The following AGTR1 variants were observed in gnomAD, a reference collection of about 807,000 sequenced individuals.
The protein encoded by AGTR1 is angiotensin II receptor type 1, also known as type-1 angiotensin II receptor.
In AGTR1, 16 loss-of-function variants were observed where a neutral mutation model predicts 19.4. The ratio of observed to expected loss-of-function variants is 0.82; its 90% CI spans 0.56 to 1.25. The LOEUF (loss-of-function observed/expected upper bound fraction) is 1.25, where lower values mean the gene tolerates loss of function less well. Ranked by LOEUF, AGTR1 falls within the 50% of genes most tolerant of loss-of-function variation. The pLI is 0.00. For synonymous variants in AGTR1, 153 were observed against 154.9 expected, an observed-to-expected ratio of 0.99 and a Z score of 0.09; for missense variants, 373 against 431.9, an observed-to-expected ratio of 0.86 and a Z score of 1.21.
intron 2 of AGTR1, among the ~76,000 whole-genome samples, chr3:148,720,159 C>A (rs1018303355): frequency 6.6e-6 from 1 of 151,950 alleles, no homozygotes; most frequent in Non-Finnish European, 1.5e-5. Flanking sequence ...ATCTGATTAG[C>A]CATATTGGGA....
At chr3:148,709,454 T>C (rs899173678) in intron 2 of AGTR1, among the ~76,000 whole-genome samples, 2 of 152,188 alleles carry the variant, frequency 1.3e-5, no homozygotes, top group African/African-American at 4.8e-5. Context: ...ATAACTATGA[T>C]GTTTTGCTTA....
Position 148,716,216 on chromosome 3 carries a change from T to A in AGTR1, c.-48+8189T>A, listed in dbSNP as rs551127305. On this transcript the variant is annotated intron_variant, in intron 2 of 2. Transcript: ENST00000349243. This position sits in a 1 kb window ranked among gnomAD's most constrained non-coding sequence, Gnocchi z 4.7. ...AGCTCCTCAGCTATACTCCCTTTCCTAGTCTACCCTATCCCACAACGGAAC... is the reference window on the plus strand; with the variant it reads ...AGCTCCTCAGCTATACTCCCTTTCCAAGTCTACCCTATCCCACAACGGAAC... Among the ~76,000 whole-genome samples the A allele has an allele frequency of 6.6e-6, 1 of 152,296 alleles. No homozygotes were observed. Among genetic ancestry groups the A allele is most frequent in the Admixed American group, 6.5e-5 (1 of 15,284 alleles).
Position 148,741,041 on chromosome 3 carries a change from T to C in AGTR1, c.6T>C (p.Ile2=), listed in dbSNP as rs746929368. Reference sequence around the variant, plus strand: ...ATTCGACCCAGGTGATCAAAATGATTCTCAACTCTTCTACTGAAGATGGTA... The same window carrying C: ...ATTCGACCCAGGTGATCAAAATGATCCTCAACTCTTCTACTGAAGATGGTA... M[I]LNSSTEDGIK... The change falls in exon 3 of 3, where the codon ATT becomes ATC. Residue 2 remains isoleucine, a synonymous_variant. Transcript: ENST00000349243. 6.2e-7 allele frequency: 1 copy of C among 1,613,854 alleles called. No individual in the cohort carries two copies. Among genetic ancestry groups the C allele is most frequent in the Non-Finnish European group, 8.5e-7 (1 of 1,179,850 alleles).
chr3:148,704,667 T>A (rs867021119), intron 1 of AGTR1, among the ~76,000 whole-genome samples: 1 of 152,194 alleles, frequency 6.6e-6, no homozygotes, highest in Non-Finnish European at 1.5e-5. Flanking sequence ...AATGATTCAG[T>A]CCCTGAGCTG....
intron 2 of AGTR1, among the ~76,000 whole-genome samples, chr3:148,726,926 A>G (rs1268925336): frequency 4.6e-5 from 7 of 152,214 alleles, no homozygotes; most frequent in Non-Finnish European, 8.8e-5. Context: ...GGGAGAGTAT[A>G]ATTTCCACTG....
At chr3:148,736,354 C>G (rs770763003) in intron 2 of AGTR1, among the ~76,000 whole-genome samples, 1 of 152,150 alleles carries the variant, frequency 6.6e-6, no homozygotes, top group Non-Finnish European at 1.5e-5. Context: ...TTATTTTTTA[C>G]TCATACTTCG....
intron 2 of AGTR1, among the ~76,000 whole-genome samples, chr3:148,719,165 A>G (rs901304478): frequency 3.3e-5 from 5 of 152,232 alleles, no homozygotes; most frequent in African/African-American, 9.6e-5. Flanking sequence ...AATAGGTAAT[A>G]CAGACCTCTA....
chr3:148,733,176 AC>A (rs1714385252), intron 2 of AGTR1, among the ~76,000 whole-genome samples: 1 of 152,156 alleles, frequency 6.6e-6, no homozygotes, highest in Non-Finnish European at 1.5e-5. Context: ...CACATTTTCC[AC>A]CAATTTGCAG....
At chr3:148,738,788 G>A (rs1714709112) in intron 2 of AGTR1, among the ~76,000 whole-genome samples, 1 of 152,148 alleles carries the variant, frequency 6.6e-6, no homozygotes, top group Non-Finnish European at 1.5e-5. Flanking sequence ...TTGACACTGA[G>A]TATTCTCTGT....
intron 2 of AGTR1, among the ~76,000 whole-genome samples, chr3:148,739,132 G>A (rs1384953486): frequency 1.3e-5 from 2 of 152,184 alleles, no homozygotes; most frequent in African/African-American, 4.8e-5. Context: ...GCCAAGGCGG[G>A]TGGATCACCC....
chr3:148,735,484 A>G (rs561775401), intron 2 of AGTR1, among the ~76,000 whole-genome samples: 1 of 151,474 alleles, frequency 6.6e-6, no homozygotes, highest in African/African-American at 2.5e-5. Context: ...TTATCAAGAA[A>G]CAGTGTCCAC....
At chr3:148,714,878 TGTA>T (rs1429182208) in intron 2 of AGTR1, among the ~76,000 whole-genome samples, 2 of 152,248 alleles carry the variant, frequency 1.3e-5, no homozygotes, top group East Asian at 3.9e-4. Flanking sequence ...TAACTTTTCA[TGTA>T]GTAGAGAATT....
rs374146740 is a variant in AGTR1 at position 148,742,015 on chromosome 3, A to C, written c.980A>C (p.His327Pro). 7 of 1,613,862 alleles carry C rather than the reference A, an allele frequency of 4.3e-6. No homozygotes were observed. The highest frequency in any genetic ancestry group is 5.9e-6 in the Non-Finnish European group (7 of 1,179,990). ...TATATTCCCCCAAAAGCCAAATCCC[A>C]CTCAAACCTTTCAACAAAAATGAGC... ...LKYIPPKAKSHSNLSTKMSTL... is the reference protein window; with the variant it reads ...LKYIPPKAKSPSNLSTKMSTL... Residue 327 changes from histidine to proline, a missense_variant, in exon 3 of 3, where the codon CAC becomes CCC. By Grantham distance (77) the His-to-Pro change is moderately conservative (BLOSUM62 -2). Coordinates refer to ENST00000349243, the MANE Select transcript of AGTR1 (RefSeq NM_000685.5).
chr3:148,715,566 G>A (rs1492101), intron 2 of AGTR1, among the ~76,000 whole-genome samples: 43,978 of 152,062 alleles, frequency 0.29, 9,425 homozygotes, highest in African/African-American at 0.61. Flanking sequence ...AGAAAAAAAT[G>A]CAGCTTCCTT....
At chr3:148,733,182 T>C (rs2107964141) in intron 2 of AGTR1, among the ~76,000 whole-genome samples, 1 of 152,288 alleles carries the variant, frequency 6.6e-6, no homozygotes, top group East Asian at 1.9e-4. Context: ...TTCCACCAAT[T>C]TGCAGGCTAT....
chr3:148,741,051 T>C lies in AGTR1; in HGVS notation c.16T>C (p.Ser6Pro). 1 of 1,613,850 alleles carries C rather than the reference T, an allele frequency of 6.2e-7. No homozygotes were observed. The highest frequency in any genetic ancestry group is 8.5e-7 in the Non-Finnish European group (1 of 1,179,804). MILNS[S>P]TEDGIKRIQD... is the part of the protein sequence containing the mutation. Reference sequence around the variant, plus strand: ...GGTGATCAAAATGATTCTCAACTCTTCTACTGAAGATGGTATTAAAAGAAT... The same window carrying C: ...GGTGATCAAAATGATTCTCAACTCTCCTACTGAAGATGGTATTAAAAGAAT... Residue 6 changes from serine to proline, a missense_variant, in exon 3 of 3, where the codon TCT (serine) becomes CCT (proline). By Grantham distance (74) the Ser-to-Pro change is moderately conservative (BLOSUM62 -1). Coordinates refer to ENST00000349243, the MANE Select transcript of AGTR1 (RefSeq NM_000685.5).
chr3:148,718,929 G>T (rs1713450587), intron 2 of AGTR1, among the ~76,000 whole-genome samples: 1 of 152,178 alleles, frequency 6.6e-6, no homozygotes, highest in South Asian at 2.1e-4. Context: ...TGATTTCCGT[G>T]TTTAAGATTA....
chr3:148,724,705 T>C (rs1207685497), intron 2 of AGTR1, among the ~76,000 whole-genome samples: 2 of 152,190 alleles, frequency 1.3e-5, no homozygotes, highest in African/African-American at 4.8e-5. Context: ...GAATGACTTT[T>C]TATGTAAAGA....
chr3:148,700,756 G>A (rs1327819743), intron 1 of AGTR1, among the ~76,000 whole-genome samples: 1 of 152,176 alleles, frequency 6.6e-6, no homozygotes, highest in African/African-American at 2.4e-5. Flanking sequence ...GCCCAGCTTA[G>A]GAACACTTTT....
Sources: allele counts gnomAD v4.1 joint callset (sites outside exome capture counted in the v4.1 genomes callset), GRCh38; gene constraint gnomAD v4.1.1; non-coding constraint Gnocchi (gnomAD v3.1); transcripts MANE v1.5; gene names NCBI Gene and HGNC (gene_info 2026-07-23, HGNC 2026-07-21).